STEAP1B: variants seen among roughly 807,000 people sequenced by gnomAD.
STEAP1B encodes STEAP family protein MGC87042.
STEAP1B carries 13 observed loss-of-function variants against 27.9 expected under a neutral mutation model. That is an observed-to-expected ratio of 0.47 (90% confidence interval 0.30 to 0.74). The LOEUF (loss-of-function observed/expected upper bound fraction) is 0.74. STEAP1B is among the 30% of genes least tolerant of loss of function. The pLI, the probability that STEAP1B is intolerant of heterozygous loss-of-function variation, is 0.06. For synonymous variants in STEAP1B, 86 were observed against 107.1 expected, an observed-to-expected ratio of 0.80 and a Z score of 1.22; for missense variants, 250 against 298.7, an observed-to-expected ratio of 0.84 and a Z score of 1.20.
intron 4 of STEAP1B, among the ~76,000 whole-genome samples, chr7:22,433,180 C>T (rs937468217): frequency 2.4e-4 from 37 of 152,282 alleles, no homozygotes; most frequent in Admixed American, 1.7e-3. Flanking sequence ...AAGCAAACTT[C>T]GCAAGCTCCC....
At chr7:22,454,857 A>AAATATAAATATCTATATG (rs1562572878) in intron 4 of STEAP1B, among the ~76,000 whole-genome samples, 1 of 68,102 alleles carries the variant, frequency 1.5e-5, no homozygotes. Flanking sequence ...ATGTATATAT[A>AAATATAAATATCTATATG]TATATATATT....
chr7:22,499,742 T>C (rs6948851), intron 1 of STEAP1B, among the ~76,000 whole-genome samples: 13,681 of 152,244 alleles, frequency 0.09, 708 homozygotes, highest in African/African-American at 0.11. Flanking sequence ...GCACCAGTCA[T>C]TCGTCAATGC....
At chr7:22,498,143 C>A (rs994840765) in intron 1 of STEAP1B, among the ~76,000 whole-genome samples, 3 of 152,224 alleles carry the variant, frequency 2.0e-5, no homozygotes, top group African/African-American at 7.2e-5. Context: ...CTGCCACTCC[C>A]CTCCTGCTGT....
intron 4 of STEAP1B, among the ~76,000 whole-genome samples, chr7:22,485,238 T>C (rs7800444): frequency 0.49 from 75,001 of 152,056 alleles, 18,853 homozygotes; most frequent in African/African-American, 0.59. Context: ...AAGAGCCCAT[T>C]GATGTGGCAA....
intron 4 of STEAP1B, among the ~76,000 whole-genome samples, chr7:22,481,387 T>C (rs1280391591): frequency 6.6e-6 from 1 of 152,220 alleles, no homozygotes; most frequent in Non-Finnish European, 1.5e-5. Context: ...GGCCTTTTGC[T>C]GGCCCTCTTC....
intron 4 of STEAP1B, among the ~76,000 whole-genome samples, chr7:22,481,927 T>C (rs1786081562): frequency 6.6e-6 from 1 of 152,238 alleles, no homozygotes; most frequent in Non-Finnish European, 1.5e-5. Context: ...CAAAGTCTGT[T>C]GGCACGTGTT....
intron 4 of STEAP1B, among the ~76,000 whole-genome samples, chr7:22,479,964 C>T (rs185868031): frequency 1.3e-5 from 2 of 152,228 alleles, no homozygotes; most frequent in Admixed American, 1.3e-4. Flanking sequence ...TTTAAAGATT[C>T]TCTCCTCACC....
At chr7:22,452,221 G>T (rs1405736677) in intron 4 of STEAP1B, among the ~76,000 whole-genome samples, 2 of 152,210 alleles carry the variant, frequency 1.3e-5, no homozygotes, top group African/African-American at 2.4e-5. Context: ...CGAGGGCGTG[G>T]CTACTGCAGG....
At chr7:22,419,931 T>C (rs998061974) in intron 4 of STEAP1B, 95 bp from the exon 5 acceptor site, 21 of 1,401,240 alleles carry the variant, frequency 1.5e-5, no homozygotes, top group East Asian at 1.3e-4. Flanking sequence ...ACATGAGAAA[T>C]TGCAAGTATA....
chr7:22,426,233 T>C (rs1785105937), intron 4 of STEAP1B, among the ~76,000 whole-genome samples: 1 of 152,222 alleles, frequency 6.6e-6, no homozygotes, highest in Non-Finnish European at 1.5e-5. Context: ...TTCAGTAGTT[T>C]GGCAAACCAG....
At chr7:22,455,112 C>T (rs1485126389) in intron 4 of STEAP1B, among the ~76,000 whole-genome samples, 1 of 152,014 alleles carries the variant, frequency 6.6e-6, no homozygotes, top group Non-Finnish European at 1.5e-5. Context: ...ATCCACCTGC[C>T]TCGGCCTCCC....
At chr7:22,458,980 G>C (rs1206680893) in intron 4 of STEAP1B, among the ~76,000 whole-genome samples, 1 of 151,750 alleles carries the variant, frequency 6.6e-6, no homozygotes, top group East Asian at 1.9e-4. Flanking sequence ...AAGAGAATCT[G>C]TTCCTAAAGT....
At chr7:22,464,171 TA>T (rs535334097) in intron 4 of STEAP1B, among the ~76,000 whole-genome samples, 84 of 152,350 alleles carry the variant, frequency 5.5e-4, no homozygotes, top group African/African-American at 1.8e-3. Context: ...AAATTAATAT[TA>T]AAATATTTAA....
rs58504014 is a variant in STEAP1B at position 22,454,866 on chromosome 7, T to TAAATATATATATGTATATATATA, written c.763-35031_763-35030insTATATATATACATATATATATTT. Among the ~76,000 whole-genome samples the TAAATATATATATGTATATATATA allele has an allele frequency of 3.9e-4, 22 of 57,124 alleles. No homozygotes were observed. The East Asian group carries it at 5.9e-3, about 15-fold the overall frequency. 37.5% of individuals were successfully genotyped at this position (57,124 alleles called of 152,430 possible). A position where few individuals can be genotyped will look rare whatever the true frequency, so the allele number is the denominator to read the frequency against. ...ATATATATGTATATATATATATATA[T>TAAATATATATATGTATATATATA]TTTTTTTTTTTTTTGAGACAGAGTC... On this transcript the variant is annotated intron_variant, in intron 4 of 4. Transcript: ENST00000678116.
intron 4 of STEAP1B, among the ~76,000 whole-genome samples, chr7:22,491,269 C>T (rs1384088278): frequency 2.0e-5 from 3 of 151,992 alleles, no homozygotes; most frequent in Non-Finnish European, 4.4e-5. Flanking sequence ...TATAATTATC[C>T]AGATATATAA....
intron 4 of STEAP1B, among the ~76,000 whole-genome samples, chr7:22,454,865 A>ATATATATATTTTTTTTTT (rs1311730510): frequency 7.9e-6 from 1 of 126,164 alleles, no homozygotes; most frequent in African/African-American, 3.2e-5. Context: ...ATATATATAT[A>ATATATATATTTTTTTTTT]TTTTTTTTTT....
At chr7:22,443,073 T>C (rs1229695888) in intron 4 of STEAP1B, among the ~76,000 whole-genome samples, 1 of 152,172 alleles carries the variant, frequency 6.6e-6, no homozygotes, top group Non-Finnish European at 1.5e-5. Context: ...GTCTTTCCCA[T>C]GTTTGCCAGT....
At chr7:22,496,996 T>C (rs547297962) in intron 1 of STEAP1B, among the ~76,000 whole-genome samples, 9 of 152,358 alleles carry the variant, frequency 5.9e-5, no homozygotes, top group Admixed American at 1.3e-4. Flanking sequence ...TTGTTTTAGT[T>C]TGCCCACATT....
At chr7:22,478,527 T>C (rs1786012537) in intron 4 of STEAP1B, among the ~76,000 whole-genome samples, 1 of 152,222 alleles carries the variant, frequency 6.6e-6, no homozygotes, top group Non-Finnish European at 1.5e-5. Context: ...TGAGGTAATA[T>C]GTGATCAAAA....
Sources: gnomAD v4.1 joint callset for allele counts (sites outside exome capture counted in the v4.1 genomes callset) on GRCh38, gnomAD v4.1.1 for gene constraint, MANE v1.5 for transcripts, NCBI Gene and HGNC (gene_info 2026-07-23, HGNC 2026-07-21) for gene names.